PTPRD: variants seen among roughly 807,000 people sequenced by gnomAD.
PTPRD encodes the protein receptor-type tyrosine-protein phosphatase delta.
Under a neutral mutation model 214.5 loss-of-function variants are expected in PTPRD, and 34 were observed. The observed-to-expected ratio is 0.16, with a 90% CI of 0.12 to 0.21. The LOEUF is 0.21. PTPRD is among the 10% of genes least tolerant of loss of function. The probability of loss-of-function intolerance (pLI) is 1.00; values close to 1 mark genes in which losing one functional copy is unlikely to be tolerated. For missense variants in PTPRD, 2,545 were observed against 2,398.7 expected (o/e 1.06, Z -1.27); for synonymous variants, 1,128 against 845.7 (o/e 1.33, Z -5.79).
intron 5 of PTPRD, among the ~76,000 whole-genome samples, chr9:9,867,676 A>G (rs1274055119): frequency 6.6e-6 from 1 of 152,198 alleles, no homozygotes; most frequent in African/African-American, 2.4e-5. Context: ...ATCTAGGTGG[A>G]GAAAAGTATC....
chr9:9,511,084 G>C (rs905255249), intron 8 of PTPRD, among the ~76,000 whole-genome samples: 1 of 151,700 alleles, frequency 6.6e-6, no homozygotes, highest in Non-Finnish European at 1.5e-5. Flanking sequence ...CATGGCAAAT[G>C]CTTTTCAAAA....
At chr9:9,313,309 C>T (rs1595623423) in intron 9 of PTPRD, among the ~76,000 whole-genome samples, 1 of 151,962 alleles carries the variant, frequency 6.6e-6, no homozygotes, top group Non-Finnish European at 1.5e-5. Flanking sequence ...CTCTGTTGGA[C>T]CAGTTAAGAG....
At chr9:9,757,654 T>A (rs2098600446) in intron 6 of PTPRD, among the ~76,000 whole-genome samples, 1 of 152,254 alleles carries the variant, frequency 6.6e-6, no homozygotes. Flanking sequence ...ATAGAAAGGA[T>A]GTGGGGTTTG....
At chr9:8,426,916 G>A (rs1040600488) in intron 35 of PTPRD, among the ~76,000 whole-genome samples, 1 of 151,726 alleles carries the variant, frequency 6.6e-6, no homozygotes, top group Non-Finnish European at 1.5e-5. Flanking sequence ...TAGAAGATCA[G>A]TAAGAAAAAA....
intron 5 of PTPRD, among the ~76,000 whole-genome samples, chr9:9,859,972 A>C (rs1443893576): frequency 6.6e-6 from 1 of 152,240 alleles, no homozygotes; most frequent in Admixed American, 6.5e-5. Context: ...GTTTATCACA[A>C]GATCTCTAAC....
chr9:8,839,864 T>C (rs1034636820), intron 11 of PTPRD, among the ~76,000 whole-genome samples: 4 of 152,192 alleles, frequency 2.6e-5, no homozygotes, highest in South Asian at 2.1e-4. Flanking sequence ...GCAGCAGTTA[T>C]GATGAGGCAA....
intron 2 of PTPRD, among the ~76,000 whole-genome samples, chr9:10,496,374 A>G (rs925450535): frequency 6.6e-6 from 1 of 151,960 alleles, no homozygotes; most frequent in Non-Finnish European, 1.5e-5. Context: ...TTATATAATA[A>G]AACAGGAACA....
intron 9 of PTPRD, among the ~76,000 whole-genome samples, chr9:9,221,905 G>A (rs1289474967): frequency 6.6e-6 from 1 of 152,002 alleles, no homozygotes. Context: ...TAGAAATATA[G>A]ACTCTGAAAC....
chr9:9,678,376 G>C (rs1296510968), intron 7 of PTPRD, among the ~76,000 whole-genome samples: 1 of 151,958 alleles, frequency 6.6e-6, no homozygotes, highest in African/African-American at 2.4e-5. Flanking sequence ...CAGAGATATA[G>C]ACCAATGGAA....
At chr9:9,262,729 C>A (rs1379195991) in intron 9 of PTPRD, among the ~76,000 whole-genome samples, 1 of 151,582 alleles carries the variant, frequency 6.6e-6, no homozygotes, top group Non-Finnish European at 1.5e-5. Flanking sequence ...AATTTGTTTG[C>A]TTATTTTTAA....
chr9:8,538,026 A>G (rs1388937635), intron 14 of PTPRD, among the ~76,000 whole-genome samples: 1 of 152,016 alleles, frequency 6.6e-6, no homozygotes, highest in Non-Finnish European at 1.5e-5. Context: ...CCTACCTAGT[A>G]ACACTATTAA....
rs1567061962 is a variant in PTPRD at position 8,929,789 on chromosome 9, ATATGTGTGTG to A, written c.-104+88898_-104+88907del. On this transcript the variant is annotated intron_variant, in intron 11 of 45. Transcript: ENST00000381196. ...TATGTGTATATATATGGGTGTGTAT[ATATGTGTGTG>A]TATATATGTGTATATATATGTGTAT... Among the ~76,000 whole-genome samples the A allele has an allele frequency of 5.3e-4, 63 of 118,844 alleles. 3 individuals carry two copies. Among genetic ancestry groups the A allele is most frequent in the African/African-American group, 2.0e-3 (62 of 30,430 alleles). 78.0% of individuals were successfully genotyped at this position (118,844 alleles called of 152,430 possible). A position where few individuals can be genotyped will look rare whatever the true frequency, so the allele number is the denominator to read the frequency against.
At chr9:9,350,311 G>C (rs2050623806) in intron 9 of PTPRD, among the ~76,000 whole-genome samples, 2 of 152,036 alleles carry the variant, frequency 1.3e-5, no homozygotes, top group South Asian at 2.1e-4. Flanking sequence ...ACTCTTATAG[G>C]TGCAGAGGTA....
intron 9 of PTPRD, among the ~76,000 whole-genome samples, chr9:9,312,978 G>C (rs1353126490): frequency 6.6e-6 from 1 of 152,122 alleles, no homozygotes; most frequent in African/African-American, 2.4e-5. Context: ...CTCATGGATT[G>C]ACACAAAATT....
chr9:9,259,387 A>G (rs956618242), intron 9 of PTPRD, among the ~76,000 whole-genome samples: 2 of 151,896 alleles, frequency 1.3e-5, no homozygotes, highest in Admixed American at 1.3e-4. Context: ...ATGTGCTTAC[A>G]GGACATGTTT....
At chr9:10,043,744 C>T (rs2097338690) in intron 3 of PTPRD, among the ~76,000 whole-genome samples, 1 of 151,698 alleles carries the variant, frequency 6.6e-6, no homozygotes, top group African/African-American at 2.4e-5. Flanking sequence ...AGGATGAAGC[C>T]ACTGGTGCTG....
chr9:9,384,233 C>T (rs961925094), intron 9 of PTPRD, among the ~76,000 whole-genome samples: 2 of 147,450 alleles, frequency 1.4e-5, no homozygotes, highest in African/African-American at 5.0e-5. Context: ...TAAATCTAGG[C>T]TTCTTTGGAT....
rs1162027381 is a variant in PTPRD, at chr9:9,091,722, T to C, written c.-142-72987A>G. Among the ~76,000 whole-genome samples, 3 of 152,148 alleles carry C rather than the reference T, an allele frequency of 2.0e-5. No individual in the cohort carries two copies. The East Asian group carries it at 5.8e-4, about 29-fold the overall frequency. The stretch of plus-strand genomic sequence containing the variant: ...CTAAAATTCCCAATCACAAGGAAAC[T>C]AAACAAAACCTAACAGAACCAGCCA... On this transcript the variant is annotated intron_variant, in intron 10 of 45. Transcript: ENST00000381196.
intron 11 of PTPRD, among the ~76,000 whole-genome samples, chr9:8,864,952 T>C (rs1422403702): frequency 6.6e-6 from 1 of 152,200 alleles, no homozygotes; most frequent in Non-Finnish European, 1.5e-5. Context: ...AACAGCTTTG[T>C]ACAAGCTAGT....
Sources: gnomAD v4.1 joint callset for allele counts (sites outside exome capture counted in the v4.1 genomes callset) on GRCh38, gnomAD v4.1.1 for gene constraint, MANE v1.5 for transcripts, NCBI Gene and HGNC (gene_info 2026-07-23, HGNC 2026-07-21) for gene names.